Variants in FAM81B observed in about 807,000 individuals in gnomAD.
FAM81B encodes the protein protein FAM81B.
A neutral mutation model predicts 58.7 loss-of-function variants in FAM81B; 60 were observed. That is an observed-to-expected ratio of 1.02 (90% CI 0.83 to 1.27). The LOEUF is 1.27. Ranked by LOEUF, FAM81B falls within the 50% of genes most tolerant of loss-of-function variation. The pLI, the probability that FAM81B is intolerant of heterozygous loss-of-function variation, is 0.00. For missense variants in FAM81B, 491 were observed against 522.0 expected, an observed-to-expected ratio of 0.94 and a Z score of 0.58; for synonymous variants, 189 against 179.6, an observed-to-expected ratio of 1.05 and a Z score of -0.42.
intron 6 of FAM81B, among the ~76,000 whole-genome samples, chr5:95,433,604 G>GTC (rs1402770650): frequency 1.3e-5 from 2 of 152,090 alleles, no homozygotes. Context: ...TTTAATATAT[G>GTC]TAAGTTTTAG....
chr5:95,429,447 G>A (rs1179390893), intron 6 of FAM81B, among the ~76,000 whole-genome samples: 1 of 152,148 alleles, frequency 6.6e-6, no homozygotes, highest in African/African-American at 2.4e-5. Flanking sequence ...AGTCATTTGG[G>A]CAGAACAAAG....
chr5:95,439,236 G>GTATATATATATATATATATATATATATA (rs577076287), intron 7 of FAM81B, among the ~76,000 whole-genome samples: 21 of 105,184 alleles, frequency 2.0e-4, no homozygotes, highest in South Asian at 3.8e-4. Flanking sequence ...AGGTTAAAGA[G>GTATATATATATATATATATATATATATA]TATATATATA....
At chr5:95,439,540 T>C (rs1354725264) in intron 7 of FAM81B, among the ~76,000 whole-genome samples, 6 of 151,864 alleles carry the variant, frequency 4.0e-5, no homozygotes, top group Non-Finnish European at 8.8e-5. Context: ...ACATTAGAGA[T>C]ATTAACCATT....
chr5:95,404,612 C>CA (rs539209295), intron 3 of FAM81B, among the ~76,000 whole-genome samples: 77 of 151,766 alleles, frequency 5.1e-4, no homozygotes, highest in African/African-American at 1.8e-3. Flanking sequence ...TATGGAGCCA[C>CA]TTTTTTTTGG....
At chr5:95,415,018 A>C (rs961820024) in intron 4 of FAM81B, among the ~76,000 whole-genome samples, 2 of 152,198 alleles carry the variant, frequency 1.3e-5, no homozygotes, top group Non-Finnish European at 2.9e-5. Flanking sequence ...TGTAGTCAGC[A>C]CTCTAAATAT....
At chr5:95,401,119 C>T (rs931520339) in intron 3 of FAM81B, among the ~76,000 whole-genome samples, 89 of 152,140 alleles carry the variant, frequency 5.8e-4, no homozygotes, top group African/African-American at 2.0e-3. Flanking sequence ...AACCTTGATG[C>T]CTCCACATGA....
intron 8 of FAM81B, among the ~76,000 whole-genome samples, chr5:95,446,998 CT>C (rs1325968035): frequency 6.6e-6 from 1 of 151,424 alleles, no homozygotes; most frequent in African/African-American, 2.4e-5. Flanking sequence ...GAGTCTGACT[CT>C]CTTGGGGCCT....
At chr5:95,420,194 A>C (rs1287017931) in intron 4 of FAM81B, 90 bp from the exon 5 acceptor site, 2 of 1,526,600 alleles carry the variant, frequency 1.3e-6, no homozygotes, top group Middle Eastern at 1.8e-4. Flanking sequence ...TAATTACAAA[A>C]TGCATTCATT....
chr5:95,392,945 CTTCT>C, intron 2 of FAM81B, 48 bp downstream of exon 2: 1 of 1,485,722 alleles, frequency 6.7e-7, no homozygotes, highest in Non-Finnish European at 9.1e-7. Context: ...CTTTGCTCAG[CTTCT>C]TTAAAGTTTA....
intron 5 of FAM81B, among the ~76,000 whole-genome samples, chr5:95,420,635 A>C (rs1762654813): frequency 6.6e-6 from 1 of 152,238 alleles, no homozygotes; most frequent in African/African-American, 2.4e-5. Flanking sequence ...GAAGCGACCA[A>C]AGTTCTGTCT....
Position 95,391,371 on chromosome 5 carries a change from C to G in FAM81B, c.-19C>G, listed in dbSNP as rs1342726017. On this transcript the variant is annotated 5_prime_UTR_variant, in exon 1 of 10. Transcript: ENST00000283357. Reference sequence around the variant, plus strand: ...CACCCTTGGGAAGAGGCCCCAGAAACAGGAAGACCTTAGTTAGGATGCAAT... The same window carrying G: ...CACCCTTGGGAAGAGGCCCCAGAAAGAGGAAGACCTTAGTTAGGATGCAAT... The G allele has an allele frequency of 6.2e-7, 1 of 1,608,766 alleles. No homozygotes were observed. Among genetic ancestry groups the G allele is most frequent in the South Asian group, 1.1e-5 (1 of 90,342 alleles).
At chr5:95,392,738 C>A in intron 1 of FAM81B, 56 bp from the exon 2 acceptor site, 12 of 1,461,140 alleles carry the variant, frequency 8.2e-6, no homozygotes, top group Non-Finnish European at 1.1e-5. Context: ...ATTAGCAGCA[C>A]TGCAAAAATT....
chr5:95,400,363 G>A (rs1269740587), intron 3 of FAM81B, among the ~76,000 whole-genome samples: 2 of 151,632 alleles, frequency 1.3e-5, no homozygotes, highest in African/African-American at 4.9e-5. Flanking sequence ...ATCTTTACAT[G>A]GTATCTCCCT....
Position 95,428,661 on chromosome 5 carries a change from C to T in FAM81B, c.715C>T (p.Arg239Trp), listed in dbSNP as rs547904033. Residue 239 changes from arginine (R) to tryptophan (W), a missense_variant, in exon 6 of 10, where the codon CGG (arginine) becomes TGG (tryptophan). Physicochemically the swap from Arg to Trp is moderately radical, Grantham distance 101. Transcript: ENST00000283357. ...GDIHLFRQEH[R>W]QIEKAIQEFV... ...CATTCACTTATTCAGGCAAGAGCAC[C>T]GGCAAATTGAGAAAGCCATTCAAGA... 31 of 1,613,806 alleles carry T rather than the reference C, an allele frequency of 1.9e-5. No individual in the cohort carries two copies. The highest frequency in any genetic ancestry group is 1.6e-4 in the Middle Eastern group (1 of 6,084).
intron 4 of FAM81B, among the ~76,000 whole-genome samples, chr5:95,419,533 T>A (rs968674198): frequency 1.8e-4 from 27 of 152,148 alleles, no homozygotes; most frequent in African/African-American, 5.5e-4. Flanking sequence ...TTAAATTTTT[T>A]AAATCAATAC....
chr5:95,443,141 C>A (rs947065913), intron 7 of FAM81B, among the ~76,000 whole-genome samples: 3 of 152,126 alleles, frequency 2.0e-5, no homozygotes, highest in Non-Finnish European at 4.4e-5. Flanking sequence ...TAGGATAGAG[C>A]TACATCCTCA....
chr5:95,435,358 T>G (rs1184440111), intron 6 of FAM81B, among the ~76,000 whole-genome samples: 1 of 152,186 alleles, frequency 6.6e-6, no homozygotes, highest in Non-Finnish European at 1.5e-5. Context: ...TAGCACAGTG[T>G]GGAGTTATGG....
rs74938200 is a variant in FAM81B at position 95,430,640 on chromosome 5, C to T, written c.786+1908C>T. ...GCAATGAATAACCTTGCACATATGT[C>T]ATTTTGTATGCGTATAGATATATCT... is the stretch of plus-strand genomic sequence containing the variant. On this transcript the variant is annotated intron_variant, in intron 6 of 9. Transcript: ENST00000283357. Among the ~76,000 whole-genome samples, 930 of 152,098 alleles carry T rather than the reference C, an allele frequency of 6.1e-3. 16 individuals are homozygous for T. The highest frequency in any genetic ancestry group is 0.021 in the African/African-American group (855 of 41,512).
At chr5:95,438,806 C>G (rs1444354494) in intron 7 of FAM81B, among the ~76,000 whole-genome samples, 1 of 137,878 alleles carries the variant, frequency 7.3e-6, no homozygotes, top group South Asian at 2.3e-4. Context: ...AAAAAACCAA[C>G]AACAGTGAAA....
Sources: allele counts gnomAD v4.1 joint callset (sites outside exome capture counted in the v4.1 genomes callset), GRCh38; gene constraint gnomAD v4.1.1; transcripts MANE v1.5; gene names NCBI Gene and HGNC (gene_info 2026-07-23, HGNC 2026-07-21).